CREB5: variants seen among roughly 807,000 people sequenced by gnomAD.
The protein encoded by CREB5 is cAMP responsive element binding protein 5.
A neutral mutation model predicts 57.1 loss-of-function variants in CREB5; 19 were observed. The ratio of observed to expected loss-of-function variants is 0.33; its 90% CI spans 0.23 to 0.49. The LOEUF (loss-of-function observed/expected upper bound fraction) is 0.49, where lower values mean the gene tolerates loss of function less well. Among genes scored for constraint, CREB5 ranks in the 20% least tolerant of loss-of-function variants. CREB5 has a pLI of 0.99. For missense variants in CREB5, 579 were observed against 671.6 expected (o/e 0.86, Z 1.52); for synonymous variants, 238 against 238.3 (o/e 1.00, Z 0.01).
chr7:28,551,899 C>CTTTCTTTA (rs969606136), intron 4 of CREB5, among the ~76,000 whole-genome samples: 1 of 120,258 alleles, frequency 8.3e-6, no homozygotes, highest in South Asian at 2.7e-4. Flanking sequence ...TTCTTTCTTT[C>CTTTCTTTA]TCTTTTCTTT....
chr7:28,502,815 T>C (rs1347924198), intron 3 of CREB5, among the ~76,000 whole-genome samples: 1 of 152,232 alleles, frequency 6.6e-6, no homozygotes, highest in African/African-American at 2.4e-5. Flanking sequence ...CCTTCTTTTC[T>C]TTTTTAAATT....
chr7:28,667,534 A>G (rs1277851006), intron 5 of CREB5, among the ~76,000 whole-genome samples: 1 of 152,072 alleles, frequency 6.6e-6, no homozygotes, highest in East Asian at 1.9e-4. Context: ...AAATCTGCCC[A>G]AATATTTTCT....
chr7:28,358,977 CCTTT>C lies in CREB5; in HGVS notation c.-25+59541_-25+59544del. ...TTTTTCCTTCTTTCTTTTCCCCTCT[CCTTT>C]CTTTTCTTCTTTCTGACTTTTTACT... On this transcript the variant is annotated intron_variant, in intron 1 of 9. Transcript: ENST00000396299. Among the ~76,000 whole-genome samples the C allele has an allele frequency of 1.3e-5, 2 of 152,290 alleles. 1 individual carries two copies. Among genetic ancestry groups the C allele is most frequent in the South Asian group, 4.2e-4 (2 of 4,818 alleles).
At chr7:28,559,571 T>TC (rs1235208950) in intron 4 of CREB5, among the ~76,000 whole-genome samples, 1 of 144,714 alleles carries the variant, frequency 6.9e-6, no homozygotes, top group Non-Finnish European at 1.5e-5. Flanking sequence ...CGCCTCAGCC[T>TC]CCCAAAAAGC....
intron 9 of CREB5, among the ~76,000 whole-genome samples, chr7:28,816,839 G>A (rs1047187443): frequency 9.2e-5 from 14 of 152,140 alleles, no homozygotes; most frequent in African/African-American, 3.4e-4. Context: ...CTACATGTGA[G>A]GTATAATGCC....
At chr7:28,579,218 A>G (rs1796024209) in intron 5 of CREB5, among the ~76,000 whole-genome samples, 1 of 152,220 alleles carries the variant, frequency 6.6e-6, no homozygotes, top group Non-Finnish European at 1.5e-5. Flanking sequence ...GCTCTTAGGA[A>G]CAAGTGTGTT....
chr7:28,790,816 G>A (rs548779826), intron 7 of CREB5, among the ~76,000 whole-genome samples: 5 of 152,328 alleles, frequency 3.3e-5, no homozygotes, highest in African/African-American at 4.8e-5. Flanking sequence ...GATGCTGTTC[G>A]TATTAAGTCA....
chr7:28,724,632 A>C (rs1322984652), intron 7 of CREB5: 1 of 236,944 alleles, frequency 4.2e-6, no homozygotes, highest in African/African-American at 2.3e-5. Flanking sequence ...TTTGCTCAGC[A>C]TGTGAAATAA....
chr7:28,765,568 AT>A (rs1460474199), intron 7 of CREB5, among the ~76,000 whole-genome samples: 1 of 152,194 alleles, frequency 6.6e-6, no homozygotes, highest in African/African-American at 2.4e-5. Flanking sequence ...TGGAGCCATG[AT>A]ATAGGTAGAC....
At chr7:28,326,881 G>A (rs1785617629) in intron 1 of CREB5, among the ~76,000 whole-genome samples, 1 of 152,166 alleles carries the variant, frequency 6.6e-6, no homozygotes, top group Non-Finnish European at 1.5e-5. Flanking sequence ...GGTGGCTCAT[G>A]CCTGTAATCC....
intron 4 of CREB5, among the ~76,000 whole-genome samples, chr7:28,518,027 C>A (rs1793050743): frequency 6.6e-6 from 1 of 152,156 alleles, no homozygotes; most frequent in South Asian, 2.1e-4. Flanking sequence ...GGCTGTCCCA[C>A]CTGCAAGCTT....
chr7:28,776,202 G>A (rs1806622911), intron 7 of CREB5, among the ~76,000 whole-genome samples: 1 of 152,096 alleles, frequency 6.6e-6, no homozygotes, highest in Non-Finnish European at 1.5e-5. Flanking sequence ...GCCGGGTGTG[G>A]TGGCGGGCGC....
At chr7:28,528,212 C>T (rs936345080) in intron 4 of CREB5, among the ~76,000 whole-genome samples, 1 of 152,146 alleles carries the variant, frequency 6.6e-6, no homozygotes, top group East Asian at 1.9e-4. Flanking sequence ...AACTTGGGGC[C>T]CATCGCTTCT....
chr7:28,361,020 T>C (rs1189126327), intron 1 of CREB5, among the ~76,000 whole-genome samples: 1 of 151,776 alleles, frequency 6.6e-6, no homozygotes, highest in Non-Finnish European at 1.5e-5. Flanking sequence ...CATCCTGTAA[T>C]GCACAGAACA....
Position 28,565,465 on chromosome 7 carries a change from A to G in CREB5, c.292-4900A>G, listed in dbSNP as rs75947005. Among the ~76,000 whole-genome samples the G allele has an allele frequency of 9.2e-5, 14 of 152,296 alleles. No individual in the cohort carries two copies. The East Asian group carries it at 2.7e-3, about 29-fold the overall frequency. On this transcript the variant is annotated intron_variant, in intron 4 of 10. Transcript: ENST00000357727. ...TGGCATGGTATTGGTGATGGTGAGA[A>G]GTTTTACTCTTTTTCTCATCTTAAA...
intron 1 of CREB5, among the ~76,000 whole-genome samples, chr7:28,329,742 A>G (rs554034080): frequency 3.3e-5 from 5 of 152,278 alleles, no homozygotes; most frequent in African/African-American, 9.6e-5. Context: ...TCCCCACATA[A>G]TGTGATGATT....
At chr7:28,477,097 CT>C (rs1293149619) in intron 1 of CREB5, among the ~76,000 whole-genome samples, 2 of 152,154 alleles carry the variant, frequency 1.3e-5, no homozygotes, top group African/African-American at 4.8e-5. Flanking sequence ...GACCTGTGTC[CT>C]TGGTTTCTGA....
At chr7:28,683,330 C>A (rs1156942309) in intron 5 of CREB5, among the ~76,000 whole-genome samples, 4 of 152,072 alleles carry the variant, frequency 2.6e-5, no homozygotes, top group Non-Finnish European at 5.9e-5. Flanking sequence ...GGGAGGCACC[C>A]AGCAGCCAGT....
chr7:28,339,545 C>T (rs187267046), intron 1 of CREB5, among the ~76,000 whole-genome samples: 6 of 152,272 alleles, frequency 3.9e-5, no homozygotes, highest in Admixed American at 3.9e-4. Context: ...CATAAACACC[C>T]CTGTGGCCCC....
Sources: allele counts gnomAD v4.1 joint callset (sites outside exome capture counted in the v4.1 genomes callset), GRCh38; gene constraint gnomAD v4.1.1; transcripts MANE v1.5; gene names NCBI Gene and HGNC (gene_info 2026-07-23, HGNC 2026-07-21).